DUS4L: variants seen among roughly 807,000 people sequenced by gnomAD.
DUS4L encodes the protein dihydrouridine synthase 4 like, also known as tRNA-dihydrouridine(20a/20b) synthase [NAD(P)+]-like.
In DUS4L, 31 loss-of-function variants were observed where a neutral mutation model predicts 33.8. The ratio of observed to expected loss-of-function variants is 0.92; its 90% confidence interval spans 0.69 to 1.24. The LOEUF is 1.24. Ranked by LOEUF, DUS4L falls within the 50% of genes most tolerant of loss-of-function variation. DUS4L has a pLI of 0.00. For synonymous variants in DUS4L, 103 were observed against 120.3 expected (o/e 0.86, Z 0.94); for missense variants, 368 against 388.6 (o/e 0.95, Z 0.45).
chr7:107,565,247 G>A (rs1584981002), intron 2 of DUS4L, among the ~76,000 whole-genome samples: 1 of 152,136 alleles, frequency 6.6e-6, no homozygotes, highest in Non-Finnish European at 1.5e-5. Context: ...ACAAACATAA[G>A]ACTCAATCCA....
chr7:107,567,328 T>G (rs1804802674), intron 3 of DUS4L, 142 bp downstream of exon 3: 2 of 657,164 alleles, frequency 3.0e-6, no homozygotes, highest in Non-Finnish European at 5.2e-6. Flanking sequence ...TGAGTCATGA[T>G]GCTACTACTT....
intron 2 of DUS4L, among the ~76,000 whole-genome samples, chr7:107,566,339 A>C (rs1804693913): frequency 1.3e-5 from 2 of 152,176 alleles, no homozygotes; most frequent in Non-Finnish European, 2.9e-5. Flanking sequence ...CTGGAATATG[A>C]AAAGTAGCCA....
intron 5 of DUS4L, among the ~76,000 whole-genome samples, chr7:107,574,496 G>A (rs1163176814): frequency 2.0e-5 from 3 of 151,744 alleles, no homozygotes; most frequent in African/African-American, 4.8e-5. Flanking sequence ...GCACCACCAC[G>A]CCAGGCTAAT....
chr7:107,574,131 G>A (rs550164678), intron 5 of DUS4L, among the ~76,000 whole-genome samples: 33 of 151,998 alleles, frequency 2.2e-4, no homozygotes, highest in Admixed American at 5.9e-4. Flanking sequence ...TAATGTTTAC[G>A]GCAATCCCTA....
chr7:107,573,852 CAA>C (rs1254867359), intron 5 of DUS4L, 31 bp downstream of exon 5: 7 of 1,454,512 alleles, frequency 4.8e-6, no homozygotes, highest in Non-Finnish European at 6.4e-6. Flanking sequence ...AAGAATTTTC[CAA>C]AAGAGTAGAA....
intron 4 of DUS4L, among the ~76,000 whole-genome samples, chr7:107,572,569 G>T (rs931143922): frequency 6.6e-6 from 1 of 152,132 alleles, no homozygotes; most frequent in Non-Finnish European, 1.5e-5. Flanking sequence ...AAAACTTTGG[G>T]CCAGAGGCGG....
Position 107,564,099 on chromosome 7 carries a change from G to T in DUS4L, c.-221G>T. The T allele has an allele frequency of 8.0e-7, 1 of 1,250,440 alleles. No individual in the cohort carries two copies. The highest frequency in any genetic ancestry group is 1.1e-6 in the Non-Finnish European group (1 of 894,560). The allele number at this position is 1,250,440 out of a possible 1,614,324, so 77.5% of individuals were successfully genotyped here. ...GGCGCCCAGGGTCCGAGTGCTCTGCGCCCAGCGCACCGAGGGAGCCAAGGC... is the reference window on the plus strand; with the variant it reads ...GGCGCCCAGGGTCCGAGTGCTCTGCTCCCAGCGCACCGAGGGAGCCAAGGC... On this transcript the variant is annotated 5_prime_UTR_variant, in exon 1 of 8. Transcript: ENST00000265720.
chr7:107,567,310 C>A, intron 3 of DUS4L, 124 bp downstream of exon 3: 2 of 746,912 alleles, frequency 2.7e-6, no homozygotes. Context: ...GGAATCATGA[C>A]TTAGAATTGA....
Position 107,577,340 on chromosome 7 carries a change from C to G in DUS4L, c.734C>G (p.Ala245Gly). Reference protein sequence around the residue: ...DGVMVARGLLANPAMFAGYEE... With the variant: ...DGVMVARGLLGNPAMFAGYEE... ...GTGATGGTTGCAAGAGGACTCTTAG[C>G]AAACCCGGCCATGTTTGCTGGATAT... The change falls in exon 8 of 8, where the codon GCA becomes GGA. Residue 245 changes from alanine to glycine, a missense_variant. Ala to Gly is a moderately conservative substitution (Grantham distance 60, BLOSUM62 0). Coordinates refer to ENST00000265720, the MANE Select transcript of DUS4L (RefSeq NM_181581.3). The G allele has an allele frequency of 6.2e-7, 1 of 1,614,102 alleles. No individual in the cohort carries two copies. Among genetic ancestry groups the G allele is most frequent in the Non-Finnish European group, 8.5e-7 (1 of 1,179,994 alleles).
At position 107,567,128 on chromosome 7, in the gene DUS4L, G is replaced by A. The variant is rs2129188567; in HGVS notation, c.58G>A (p.Glu20Lys). 6.2e-7 allele frequency: 1 copy of A among 1,613,622 alleles called. No individual in the cohort carries two copies. The highest frequency in any genetic ancestry group is 1.3e-5 in the African/African-American group (1 of 75,032). ...TCAGGAAAGAAAAAAAGATCCCATA[G>A]AAATGTTTCATTCTGGACAGCTGGT... is the stretch of plus-strand genomic sequence containing the variant. Reference protein sequence around the residue: ...ICQERKKDPIEMFHSGQLVKV... With the variant: ...ICQERKKDPIKMFHSGQLVKV... Residue 20 changes from glutamate to lysine, a missense_variant, in exon 3 of 8, where the codon GAA (glutamate) becomes AAA (lysine). Coordinates refer to ENST00000265720, the MANE Select transcript of DUS4L (RefSeq NM_181581.3).
intron 2 of DUS4L, among the ~76,000 whole-genome samples, chr7:107,566,001 T>G (rs1002135852): frequency 6.6e-6 from 1 of 152,250 alleles, no homozygotes; most frequent in Non-Finnish European, 1.5e-5. Context: ...CCTCCTTCCT[T>G]CATAATGGTC....
rs1265003197 is a variant in DUS4L, at chr7:107,575,201, G to A, written c.370G>A (p.Glu124Lys). 6 of 1,607,864 alleles carry A rather than the reference G, an allele frequency of 3.7e-6. No individual in the cohort carries two copies. The highest frequency in any genetic ancestry group is 5.1e-6 in the Non-Finnish European group (6 of 1,178,668). The part of the protein sequence containing the change: ...CGCPQRWAMA[E>K]GYGACLINKP... ...TGCTTTACAAAGGTGGGCAATGGCAGAAGGTTATGGGGCTTGCTTAATAAA... is the reference window on the plus strand; with the variant it reads ...TGCTTTACAAAGGTGGGCAATGGCAAAAGGTTATGGGGCTTGCTTAATAAA... The change falls in exon 6 of 8, where the codon GAA (glutamate) becomes AAA (lysine). Residue 124 changes from glutamate to lysine, a missense_variant. Transcript: ENST00000265720.
chr7:107,577,682 G>GT lies in DUS4L; in HGVS notation c.*128dup. On this transcript the variant is annotated 3_prime_UTR_variant, in exon 8 of 8. Transcript: ENST00000265720. ...TAGTATAAAAACAATTCCTGGGAGC[G>GT]TTTTTTAAAAATCAGTTGTAGACAC... is the stretch of plus-strand genomic sequence containing the variant. The GT allele has an allele frequency of 3.5e-6, 4 of 1,157,204 alleles. No individual in the cohort carries two copies. The South Asian group carries it at 5.0e-5, about 14-fold the overall frequency. 71.7% of individuals were successfully genotyped at this position (1,157,204 alleles called of 1,614,324 possible). A position where few individuals can be genotyped will look rare whatever the true frequency, so the allele number is the denominator to read the frequency against.
intron 3 of DUS4L, among the ~76,000 whole-genome samples, chr7:107,569,167 C>T (rs903159240): frequency 2.6e-5 from 4 of 152,200 alleles, no homozygotes; most frequent in African/African-American, 9.7e-5. Flanking sequence ...CGCACCACTG[C>T]ACTCCAGCCT....
At chr7:107,572,110 T>C (rs1805298127) in intron 4 of DUS4L, among the ~76,000 whole-genome samples, 1 of 152,102 alleles carries the variant, frequency 6.6e-6, no homozygotes, top group African/African-American at 2.4e-5. Context: ...TACTGCATTA[T>C]GATTTCCTCT....
chr7:107,573,965 T>TA, intron 5 of DUS4L, 144 bp downstream of exon 5: 1 of 1,137,420 alleles, frequency 8.8e-7, no homozygotes, highest in Non-Finnish European at 1.1e-6. Flanking sequence ...AGGAAGAAAA[T>TA]ATAGGGAAAT....
intron 3 of DUS4L, among the ~76,000 whole-genome samples, chr7:107,568,550 A>G (rs776665044): frequency 6.6e-5 from 10 of 152,058 alleles, no homozygotes; most frequent in Non-Finnish European, 1.2e-4. Context: ...CTTGTTTTCT[A>G]TTATACTCTA....
intron 5 of DUS4L, 171 bp from the exon 6 acceptor site, chr7:107,575,017 T>G (rs1169908061): frequency 7.5e-6 from 6 of 795,530 alleles, no homozygotes; most frequent in Non-Finnish European, 1.2e-5. Context: ...GAACATGTTT[T>G]CCTAATCTCA....
At position 107,567,121 on chromosome 7, in the gene DUS4L, T is replaced by C. The variant is rs1358849466; in HGVS notation, c.51T>C (p.Asp17=). Residue 17 remains aspartate, a synonymous_variant, in exon 3 of 8, where the codon GAT becomes GAC. Coordinates refer to ENST00000265720, the MANE Select transcript of DUS4L (RefSeq NM_181581.3). ...CAATATGTCAGGAAAGAAAAAAAGA[T>C]CCCATAGAAATGTTTCATTCTGGAC... ...QTTICQERKK[D]PIEMFHSGQL... is the part of the protein sequence containing the mutation. The C allele has an allele frequency of 6.2e-7, 1 of 1,613,624 alleles. No homozygotes were observed. The highest frequency in any genetic ancestry group is 1.7e-5 in the Admixed American group (1 of 60,000).
Sources: allele counts gnomAD v4.1 joint callset (sites outside exome capture counted in the v4.1 genomes callset), GRCh38; gene constraint gnomAD v4.1.1; transcripts MANE v1.5; gene names NCBI Gene and HGNC (gene_info 2026-07-23, HGNC 2026-07-21).